Variants in STXBP5L observed in about 807,000 individuals in gnomAD.
The protein encoded by STXBP5L is syntaxin-binding protein 5-like.
In STXBP5L, 65 loss-of-function variants were observed where a neutral mutation model predicts 144.5. The ratio of observed to expected loss-of-function variants is 0.45; its 90% confidence interval spans 0.37 to 0.55. The LOEUF is 0.55. STXBP5L is among the 20% of genes least tolerant of loss of function. The pLI, the probability that STXBP5L is intolerant of heterozygous loss-of-function variation, is 0.00. For missense variants in STXBP5L, 1,298 were observed against 1,405.5 expected, an observed-to-expected ratio of 0.92 and a Z score of 1.22; for synonymous variants, 505 against 469.6, an observed-to-expected ratio of 1.08 and a Z score of -0.97.
At chr3:120,949,311 A>G (rs979210450) in intron 2 of STXBP5L, among the ~76,000 whole-genome samples, 1 of 152,070 alleles carries the variant, frequency 6.6e-6, no homozygotes, top group Non-Finnish European at 1.5e-5. Flanking sequence ...GATTCTGGAT[A>G]TTAGTTGTTT....
At chr3:120,982,991 T>G (rs1327647869) in intron 3 of STXBP5L, among the ~76,000 whole-genome samples, 1 of 152,202 alleles carries the variant, frequency 6.6e-6, no homozygotes, top group African/African-American at 2.4e-5. Flanking sequence ...GGCTGTGCTG[T>G]GGACCTGCCA....
chr3:121,276,837 C>G (rs977344171), intron 18 of STXBP5L, among the ~76,000 whole-genome samples: 3 of 151,260 alleles, frequency 2.0e-5, no homozygotes, highest in African/African-American at 7.3e-5. Flanking sequence ...CATTCTTATT[C>G]TGCTTGGGAT....
intron 6 of STXBP5L, among the ~76,000 whole-genome samples, chr3:121,118,965 A>G (rs1260436066): frequency 6.6e-6 from 1 of 151,500 alleles, no homozygotes; most frequent in African/African-American, 2.4e-5. Flanking sequence ...GGTGGGATAT[A>G]TATGGATCTG....
intron 5 of STXBP5L, among the ~76,000 whole-genome samples, chr3:121,072,927 A>G (rs755100706): frequency 6.6e-6 from 1 of 152,168 alleles, no homozygotes; most frequent in African/African-American, 2.4e-5. Context: ...TTGAGTCAGT[A>G]TAGATGTTTA....
chr3:120,932,602 C>A lies in STXBP5L; in HGVS notation c.190-22338C>A, dbSNP rs528143411. 3.3e-3 allele frequency among the ~76,000 whole-genome samples: 468 copies of A among 140,658 alleles called. 5 individuals carry two copies. Among genetic ancestry groups the A allele is most frequent in the African/African-American group, 0.012 (450 of 38,390 alleles). The allele number at this position is 140,658 out of a possible 152,430, so 92.3% of individuals were successfully genotyped here. On this transcript the variant is annotated intron_variant, in intron 2 of 26. Coordinates refer to ENST00000471454, the MANE Select transcript of STXBP5L (RefSeq NM_001308330.2). ...AGAAATAAAATTAACACTGTTGGGACTGTAAACTAGTTCAACCATTGTGGA... is the reference window on the plus strand; with the variant it reads ...AGAAATAAAATTAACACTGTTGGGAATGTAAACTAGTTCAACCATTGTGGA...
At chr3:120,969,631 G>A (rs1940011524) in intron 3 of STXBP5L, among the ~76,000 whole-genome samples, 1 of 151,828 alleles carries the variant, frequency 6.6e-6, no homozygotes, top group African/African-American at 2.4e-5. Flanking sequence ...TCAATGTCTT[G>A]AGGAGTTTTT....
At chr3:121,078,402 A>G (rs987579727) in intron 5 of STXBP5L, among the ~76,000 whole-genome samples, 1 of 152,234 alleles carries the variant, frequency 6.6e-6, no homozygotes, top group African/African-American at 2.4e-5. Flanking sequence ...TGGTGTGTTT[A>G]CAATCCCTTA....
chr3:121,115,917 A>G (rs78549943), intron 6 of STXBP5L, among the ~76,000 whole-genome samples: 16,991 of 152,200 alleles, frequency 0.11, 1,043 homozygotes, highest in Non-Finnish European at 0.14. Context: ...CTCACTTACT[A>G]TGGCAAGAAC....
intron 9 of STXBP5L, among the ~76,000 whole-genome samples, chr3:121,171,238 C>T (rs2046703300): frequency 6.6e-6 from 1 of 152,158 alleles, no homozygotes; most frequent in African/African-American, 2.4e-5. Context: ...TTATAACAAA[C>T]CCACAGCCAA....
chr3:121,034,103 AT>A (rs1389567481), intron 3 of STXBP5L, among the ~76,000 whole-genome samples: 1 of 152,160 alleles, frequency 6.6e-6, no homozygotes, highest in African/African-American at 2.4e-5. Flanking sequence ...GGTTAGTGAT[AT>A]AAACAAAACA....
chr3:121,096,501 T>C (rs7648200), intron 5 of STXBP5L, among the ~76,000 whole-genome samples: 77,601 of 151,880 alleles, frequency 0.51, 20,284 homozygotes, highest in Admixed American at 0.6. Flanking sequence ...ATTTATCTAC[T>C]TTTGGTCCTT....
chr3:121,041,530 T>C (rs1209124642), intron 3 of STXBP5L, among the ~76,000 whole-genome samples, 170 bp from the exon 4 acceptor site: 1 of 152,138 alleles, frequency 6.6e-6, no homozygotes, highest in African/African-American at 2.4e-5. Context: ...GTATTAAACA[T>C]CTGAGGTATA....
intron 3 of STXBP5L, among the ~76,000 whole-genome samples, chr3:120,970,108 G>A (rs1940073142): frequency 6.6e-6 from 1 of 151,918 alleles, no homozygotes; most frequent in Non-Finnish European, 1.5e-5. Context: ...TGATTTATTG[G>A]TGTTTCAGTT....
chr3:121,078,249 C>T (rs932064282), intron 5 of STXBP5L, among the ~76,000 whole-genome samples: 2 of 151,624 alleles, frequency 1.3e-5, no homozygotes, highest in African/African-American at 4.8e-5. Context: ...TTTACAATCC[C>T]CTAGCCAGAC....
intron 5 of STXBP5L, among the ~76,000 whole-genome samples, chr3:121,083,596 G>T (rs1049169081): frequency 3.9e-5 from 6 of 151,994 alleles, no homozygotes; most frequent in Admixed American, 2.6e-4. Context: ...CTGGGAGGCA[G>T]ATGTTGCAGT....
At chr3:121,036,094 C>T (rs576803309) in intron 3 of STXBP5L, among the ~76,000 whole-genome samples, 39 of 152,018 alleles carry the variant, frequency 2.6e-4, no homozygotes, top group Admixed American at 5.9e-4. Flanking sequence ...GCACTTTGGG[C>T]GGCTGAGGTG....
intron 11 of STXBP5L, among the ~76,000 whole-genome samples, chr3:121,229,732 T>G (rs2049241860): frequency 6.6e-6 from 1 of 152,036 alleles, no homozygotes; most frequent in Non-Finnish European, 1.5e-5. Context: ...ATTATTTTAT[T>G]TTTTTGTAGA....
chr3:121,204,948 A>G lies in STXBP5L; in HGVS notation c.878-975A>G, dbSNP rs142753108. Among the ~76,000 whole-genome samples the G allele has an allele frequency of 3.0e-3, 463 of 152,318 alleles. 3 individuals carry two copies. The highest frequency in any genetic ancestry group is 0.01 in the African/African-American group (432 of 41,590). On this transcript the variant is annotated intron_variant, in intron 9 of 26. Coordinates refer to ENST00000471454, the MANE Select transcript of STXBP5L (RefSeq NM_001308330.2). ...AGAAATTATCATTTTTGTTTTATGC[A>G]AAATGAATACATCATTAAAATGATT...
At chr3:121,058,552 G>A (rs1948610868) in intron 5 of STXBP5L, among the ~76,000 whole-genome samples, 2 of 152,092 alleles carry the variant, frequency 1.3e-5, no homozygotes, top group Non-Finnish European at 2.9e-5. Context: ...AATCGCCACA[G>A]TCTCTTCCAC....
Sources: allele counts gnomAD v4.1 joint callset (sites outside exome capture counted in the v4.1 genomes callset), GRCh38; gene constraint gnomAD v4.1.1; transcripts MANE v1.5; gene names NCBI Gene and HGNC (gene_info 2026-07-23, HGNC 2026-07-21).